The following ATP8A1 variants were observed in gnomAD, a reference collection of about 807,000 sequenced individuals.
ATP8A1 encodes the protein phospholipid-transporting ATPase IA.
Under a neutral mutation model 177.7 loss-of-function variants are expected in ATP8A1, and 90 were observed. The ratio of observed to expected loss-of-function variants is 0.51; its 90% confidence interval spans 0.43 to 0.60. The LOEUF is 0.60. Among genes scored for constraint, ATP8A1 ranks in the 20% least tolerant of loss-of-function variants. ATP8A1 has a pLI of 0.00. For missense variants in ATP8A1, 1,072 were observed against 1,392.8 expected (o/e 0.77, Z 3.67); for synonymous variants, 493 against 485.9 (o/e 1.01, Z -0.19).
intron 20 of ATP8A1, among the ~76,000 whole-genome samples, chr4:42,525,369 G>C (rs1048246964): frequency 6.6e-6 from 1 of 152,132 alleles, no homozygotes; most frequent in Non-Finnish European, 1.5e-5. Context: ...TTAGGGTTTA[G>C]AGCATGTTTA....
chr4:42,603,333 C>T (rs1271881305), intron 5 of ATP8A1, among the ~76,000 whole-genome samples: 3 of 152,040 alleles, frequency 2.0e-5, no homozygotes, highest in Admixed American at 1.3e-4. Context: ...CTTAACCTCA[C>T]GAGGGTTATT....
At chr4:42,611,608 TCCA>T (rs1736383170) in intron 5 of ATP8A1, among the ~76,000 whole-genome samples, 1 of 92,436 alleles carries the variant, frequency 1.1e-5, no homozygotes, top group Non-Finnish European at 2.9e-5. Flanking sequence ...CTGAACTCCA[TCCA>T]TCCTTTCCCA....
intron 15 of ATP8A1, among the ~76,000 whole-genome samples, chr4:42,568,163 C>T (rs1731543296): frequency 6.6e-6 from 1 of 152,172 alleles, no homozygotes; most frequent in Admixed American, 6.5e-5. Context: ...AAGCAATGGG[C>T]ATGTGGTGTC....
intron 16 of ATP8A1, among the ~76,000 whole-genome samples, chr4:42,554,334 T>C (rs1274117220): frequency 6.6e-6 from 1 of 152,104 alleles, no homozygotes; most frequent in Non-Finnish European, 1.5e-5. Context: ...CTCAGAGATC[T>C]GGACATGGAG....
At position 42,636,408 on chromosome 4, in the gene ATP8A1, A is replaced by G. The variant is rs376707843; in HGVS notation, c.50-9299T>C. On this transcript the variant is annotated intron_variant, in intron 1 of 36. Coordinates refer to ENST00000381668, the MANE Select transcript of ATP8A1 (RefSeq NM_006095.2). Reference sequence around the variant, plus strand: ...CAGCTGTTCAGAGACGGGTAGGGGGAGAGAGAGAGAGAGAGCTCATGAAAA... The same window carrying G: ...CAGCTGTTCAGAGACGGGTAGGGGGGGAGAGAGAGAGAGAGCTCATGAAAA... Among the ~76,000 whole-genome samples, 9 of 27,602 alleles carry G rather than the reference A, an allele frequency of 3.3e-4. No homozygotes were observed. The Admixed American group carries it at 3.8e-3, about 12-fold the overall frequency. 18.1% of individuals were successfully genotyped at this position (27,602 alleles called of 152,430 possible). A position where few individuals can be genotyped will look rare whatever the true frequency, so the allele number is the denominator to read the frequency against.
intron 15 of ATP8A1, among the ~76,000 whole-genome samples, chr4:42,559,007 T>C (rs1730537811): frequency 6.6e-6 from 1 of 152,104 alleles, no homozygotes; most frequent in South Asian, 2.1e-4. Context: ...AAGACCTGTC[T>C]CTGCAAAAAA....
chr4:42,436,448 C>T (rs183996403), intron 33 of ATP8A1, among the ~76,000 whole-genome samples: 6 of 152,366 alleles, frequency 3.9e-5, no homozygotes, highest in African/African-American at 9.6e-5. Context: ...TCCTGATTCA[C>T]GATTACGTTT....
chr4:42,656,754 TAAACACACACGC>T, intron 1 of ATP8A1, 59 bp downstream of exon 1: 1 of 1,422,676 alleles, frequency 7.0e-7, no homozygotes, highest in Non-Finnish European at 9.4e-7. Flanking sequence ...TCTTCCAGGA[TAAACACACACGC>T]TCACACACAC....
intron 27 of ATP8A1, among the ~76,000 whole-genome samples, chr4:42,459,886 G>A (rs1305165564): frequency 2.0e-5 from 3 of 152,060 alleles, no homozygotes; most frequent in Non-Finnish European, 2.9e-5. Flanking sequence ...CCACCTCCCG[G>A]GTTCACGCCA....
intron 25 of ATP8A1, among the ~76,000 whole-genome samples, chr4:42,480,077 C>T (rs1721517123): frequency 6.7e-6 from 1 of 149,878 alleles, no homozygotes; most frequent in Admixed American, 6.7e-5. Flanking sequence ...TAAAAGGAGT[C>T]ACACCTAAAA....
intron 19 of ATP8A1, among the ~76,000 whole-genome samples, chr4:42,546,582 A>T (rs75573735): frequency 3.1e-5 from 2 of 64,578 alleles, no homozygotes; most frequent in Non-Finnish European, 6.2e-5. Flanking sequence ...AAAGTATAAT[A>T]AAAAAAAAAA....
chr4:42,443,865 A>T (rs1716915149), intron 32 of ATP8A1, among the ~76,000 whole-genome samples, 193 bp from the exon 33 acceptor site: 1 of 152,078 alleles, frequency 6.6e-6, no homozygotes, highest in East Asian at 1.9e-4. Context: ...AACAGTTGCA[A>T]TGTTTGTGGT....
intron 27 of ATP8A1, among the ~76,000 whole-genome samples, chr4:42,461,141 G>T (rs1472762842): frequency 1.3e-5 from 2 of 151,858 alleles, no homozygotes; most frequent in Non-Finnish European, 2.9e-5. Context: ...TAGGATGAAG[G>T]ATGTAAAATG....
chr4:42,623,967 A>T (rs1019046364), intron 4 of ATP8A1, among the ~76,000 whole-genome samples: 3 of 152,194 alleles, frequency 2.0e-5, no homozygotes, highest in Non-Finnish European at 4.4e-5. Flanking sequence ...TAAAATAGAT[A>T]TAACAGAAAA....
chr4:42,442,848 G>A (rs377396252), intron 33 of ATP8A1, among the ~76,000 whole-genome samples: 38 of 152,266 alleles, frequency 2.5e-4, no homozygotes, highest in African/African-American at 7.0e-4. Flanking sequence ...TTACTGTGAG[G>A]TCACAGGAAA....
chr4:42,598,905 G>A (rs1204313459), intron 6 of ATP8A1, among the ~76,000 whole-genome samples: 1 of 152,084 alleles, frequency 6.6e-6, no homozygotes, highest in Non-Finnish European at 1.5e-5. Flanking sequence ...TTTTGGGCTG[G>A]ATGACTTTTG....
At chr4:42,460,415 T>C (rs1718995143) in intron 27 of ATP8A1, among the ~76,000 whole-genome samples, 1 of 139,082 alleles carries the variant, frequency 7.2e-6, no homozygotes, top group African/African-American at 2.6e-5. Flanking sequence ...TGAGATGGAG[T>C]CTTGCTTTGT....
intron 22 of ATP8A1, among the ~76,000 whole-genome samples, chr4:42,507,893 C>T (rs966990165): frequency 6.8e-6 from 1 of 146,126 alleles, no homozygotes; most frequent in Non-Finnish European, 1.5e-5. Context: ...CATGTTAACA[C>T]TATTAAATTG....
intron 36 of ATP8A1, among the ~76,000 whole-genome samples, chr4:42,413,860 G>A (rs898283583): frequency 6.6e-6 from 1 of 152,200 alleles, no homozygotes; most frequent in Non-Finnish European, 1.5e-5. Flanking sequence ...TTAAAAAGGC[G>A]AGGAGGAGGA....
Sources: gnomAD v4.1 joint callset for allele counts (sites outside exome capture counted in the v4.1 genomes callset) on GRCh38, gnomAD v4.1.1 for gene constraint, MANE v1.5 for transcripts, NCBI Gene and HGNC (gene_info 2026-07-23, HGNC 2026-07-21) for gene names.